The following TENM2 variants were observed in gnomAD, a reference collection of about 807,000 sequenced individuals.
The protein encoded by TENM2 is teneurin transmembrane protein 2.
A neutral mutation model predicts 245.2 loss-of-function variants in TENM2; 52 were observed. The observed-to-expected ratio is 0.21, with a 90% confidence interval of 0.17 to 0.27. TENM2 has a LOEUF of 0.27. Ranked by LOEUF, TENM2 falls within the 10% of genes least tolerant of loss-of-function variation. TENM2 has a pLI of 1.00. For missense variants in TENM2, 3,046 were observed against 3,666.8 expected (o/e 0.83, Z 4.37); for synonymous variants, 1,363 against 1,438.9 (o/e 0.95, Z 1.19).
chr5:168,052,284 G>A (rs11741090), intron 6 of TENM2, among the ~76,000 whole-genome samples: 21,917 of 151,578 alleles, frequency 0.14, 1,671 homozygotes, highest in Middle Eastern at 0.23. Context: ...CCAGCTACTC[G>A]GGAGGCTGAG....
At chr5:168,098,636 A>G (rs1479983591) in intron 9 of TENM2, among the ~76,000 whole-genome samples, 2 of 152,166 alleles carry the variant, frequency 1.3e-5, no homozygotes, top group African/African-American at 4.8e-5. Flanking sequence ...AGGTAATATA[A>G]GAAAGAAAAT....
At chr5:167,306,601 G>A (rs1358593921) in intron 1 of TENM2, 4 of 152,128 alleles carry the variant, frequency 2.6e-5, no homozygotes, top group African/African-American at 4.8e-5. Flanking sequence ...AGATAGATGC[G>A]GGGATGCCAG....
chr5:167,566,539 A>G (rs1397672254), intron 2 of TENM2, among the ~76,000 whole-genome samples: 1 of 152,216 alleles, frequency 6.6e-6, no homozygotes, highest in Non-Finnish European at 1.5e-5. Flanking sequence ...GGGTAAGAGC[A>G]TTGAAGAAAC....
intron 2 of TENM2, among the ~76,000 whole-genome samples, chr5:167,423,457 A>T (rs1439181496): frequency 6.6e-6 from 1 of 152,228 alleles, no homozygotes; most frequent in Non-Finnish European, 1.5e-5. Flanking sequence ...GCTGTTGTTT[A>T]TCACAAGGTT....
chr5:167,692,844 G>T (rs977593835), intron 2 of TENM2, among the ~76,000 whole-genome samples: 1 of 152,188 alleles, frequency 6.6e-6, no homozygotes, highest in Non-Finnish European at 1.5e-5. Context: ...TAGAATTGTG[G>T]CAGATGGACG....
intron 2 of TENM2, among the ~76,000 whole-genome samples, chr5:167,378,379 T>TTCTTC (rs10691870): frequency 9.1e-6 from 1 of 110,124 alleles, no homozygotes; most frequent in Non-Finnish European, 2.1e-5. Context: ...TTTCTTCTTC[T>TTCTTC]TTTTTTTTTT....
intron 6 of TENM2, among the ~76,000 whole-genome samples, chr5:168,048,025 A>G (rs1409166739): frequency 6.6e-6 from 1 of 152,246 alleles, no homozygotes; most frequent in Non-Finnish European, 1.5e-5. Flanking sequence ...CTGGCTTGGC[A>G]TGAAAGAGAA....
chr5:167,218,509 C>G, the TENM2 span, among the ~76,000 whole-genome samples: 84 of 152,144 alleles, frequency 5.5e-4, no homozygotes, highest in East Asian at 0.015. Context: ...CTGCCGTCTT[C>G]TGGGTTTCAG....
intron 2 of TENM2, among the ~76,000 whole-genome samples, chr5:167,488,503 C>T: frequency 6.6e-6 from 1 of 152,102 alleles, no homozygotes. Flanking sequence ...ATATTTCATT[C>T]CCTGGCCTTC....
intron 1 of TENM2, among the ~76,000 whole-genome samples, chr5:167,347,141 GAAAA>G (rs111545947): frequency 7.7e-6 from 1 of 129,552 alleles, no homozygotes; most frequent in Non-Finnish European, 1.7e-5. Flanking sequence ...AATTACAAGA[GAAAA>G]AAAAAAAAAC....
At chr5:167,260,461 A>C in the TENM2 span, among the ~76,000 whole-genome samples, 1 of 152,162 alleles carries the variant, frequency 6.6e-6, no homozygotes, top group South Asian at 2.1e-4. Flanking sequence ...TCATGGCTAT[A>C]TCTAGGTCTG....
intron 2 of TENM2, among the ~76,000 whole-genome samples, chr5:167,700,510 T>A (rs759125994): frequency 6.6e-6 from 1 of 152,122 alleles, no homozygotes; most frequent in Non-Finnish European, 1.5e-5. Flanking sequence ...TTGTTAAACG[T>A]TTAATGGTTA....
intron 1 of TENM2, among the ~76,000 whole-genome samples, chr5:167,298,177 G>A (rs1755072666): frequency 6.6e-6 from 1 of 152,122 alleles, no homozygotes; most frequent in South Asian, 2.1e-4. Flanking sequence ...GGGGCGGCGT[G>A]GGAACCTAGA....
chr5:167,375,462 A>G, exon 2 of TENM2: 1 of 1,551,696 alleles, frequency 6.4e-7, no homozygotes, highest in Non-Finnish European at 8.7e-7. Context: ...AACAAATCAG[A>G]TGATGAGAAC....
At chr5:167,386,745 G>A (rs186919855) in intron 2 of TENM2, among the ~76,000 whole-genome samples, 9 of 152,176 alleles carry the variant, frequency 5.9e-5, no homozygotes. Flanking sequence ...GCCAAATATC[G>A]CAGCACCATT....
intron 1 of TENM2, among the ~76,000 whole-genome samples, chr5:167,370,367 A>C (rs1760339785): frequency 6.9e-6 from 1 of 144,204 alleles, no homozygotes; most frequent in African/African-American, 2.6e-5. Flanking sequence ...AAAAAAAAAA[A>C]AAAAGACGTG....
At chr5:168,179,231 GC>G (rs1759642806) in intron 13 of TENM2, among the ~76,000 whole-genome samples, 1 of 151,658 alleles carries the variant, frequency 6.6e-6, no homozygotes, top group African/African-American at 2.4e-5. Context: ...GTGACCTTGG[GC>G]AAGGCCCTTA....
At chr5:167,119,447 A>T in the TENM2 span, 1 of 152,214 alleles carries the variant, frequency 6.6e-6, no homozygotes, top group Non-Finnish European at 1.5e-5. Context: ...GATAATATAT[A>T]AAAAACATAA....
At chr5:167,213,560 G>C in the TENM2 span, among the ~76,000 whole-genome samples, 4 of 152,146 alleles carry the variant, frequency 2.6e-5, no homozygotes, top group African/African-American at 9.7e-5. Flanking sequence ...TAAACATTCA[G>C]TCTATAGCAA....
Sources: gnomAD v4.1 joint callset for allele counts (sites outside exome capture counted in the v4.1 genomes callset) on GRCh38, gnomAD v4.1.1 for gene constraint, MANE v1.5 for transcripts, NCBI Gene and HGNC (gene_info 2026-07-23, HGNC 2026-07-21) for gene names.